The following SLC2A13 variants were observed in gnomAD, a reference collection of about 807,000 sequenced individuals.
The protein encoded by SLC2A13 is proton myo-inositol cotransporter.
A neutral mutation model predicts 64.4 loss-of-function variants in SLC2A13; 32 were observed. That is an observed-to-expected ratio of 0.50 (90% confidence interval 0.37 to 0.67). SLC2A13 has a LOEUF of 0.67. SLC2A13 is among the 30% of genes least tolerant of loss of function. The pLI is 0.00. For missense variants in SLC2A13, 743 were observed against 829.2 expected (o/e 0.90, Z 1.28); for synonymous variants, 338 against 327.1 (o/e 1.03, Z -0.36).
chr12:40,046,330 C>T (rs139276728), intron 2 of SLC2A13, among the ~76,000 whole-genome samples: 1 of 152,204 alleles, frequency 6.6e-6, no homozygotes, highest in Non-Finnish European at 1.5e-5. Context: ...ACACCACATT[C>T]ATAAATGTAT....
intron 1 of SLC2A13, among the ~76,000 whole-genome samples, chr12:40,084,961 A>G (rs574879261): frequency 6.6e-6 from 1 of 152,242 alleles, no homozygotes; most frequent in African/African-American, 2.4e-5. Flanking sequence ...AAGGGGAGAG[A>G]AGCTGAAGGT....
intron 6 of SLC2A13, among the ~76,000 whole-genome samples, chr12:39,839,910 T>A (rs1943134267): frequency 6.6e-6 from 1 of 152,148 alleles, no homozygotes; most frequent in South Asian, 2.1e-4. Flanking sequence ...TATTGTTCCT[T>A]TTGTGTCTCC....
intron 4 of SLC2A13, among the ~76,000 whole-genome samples, chr12:39,914,237 G>A (rs11174263): frequency 1.3e-5 from 2 of 151,920 alleles, no homozygotes; most frequent in South Asian, 2.1e-4. Context: ...ATTTTTTCAC[G>A]TCTAATGAAA....
chr12:39,989,345 T>C (rs925335868), intron 3 of SLC2A13, among the ~76,000 whole-genome samples: 12 of 152,206 alleles, frequency 7.9e-5, no homozygotes, highest in Admixed American at 2.0e-4. Context: ...CCATCCTTTA[T>C]CAATCTGCTC....
intron 1 of SLC2A13, among the ~76,000 whole-genome samples, chr12:40,104,995 G>A (rs1202583040): frequency 6.6e-6 from 1 of 152,150 alleles, no homozygotes; most frequent in Non-Finnish European, 1.5e-5. Context: ...GGACTGACTG[G>A]TCCGTGGCCT....
intron 3 of SLC2A13, among the ~76,000 whole-genome samples, chr12:40,009,050 A>C (rs555724068): frequency 6.6e-6 from 1 of 152,352 alleles, no homozygotes; most frequent in South Asian, 2.1e-4. Flanking sequence ...AAAGCAAACA[A>C]GTAACTTAAT....
chr12:39,913,083 T>A (rs1242588401), intron 4 of SLC2A13, among the ~76,000 whole-genome samples: 1 of 151,980 alleles, frequency 6.6e-6, no homozygotes, highest in African/African-American at 2.4e-5. Flanking sequence ...AGGTAACCAA[T>A]GGAGAGTAAA....
intron 6 of SLC2A13, among the ~76,000 whole-genome samples, chr12:39,838,886 A>C (rs1193619387): frequency 6.6e-6 from 1 of 152,082 alleles, no homozygotes; most frequent in African/African-American, 2.4e-5. Flanking sequence ...AATGAGATGG[A>C]GCACTAAGAA....
At chr12:39,911,596 A>G (rs1161853854) in intron 4 of SLC2A13, among the ~76,000 whole-genome samples, 2 of 152,126 alleles carry the variant, frequency 1.3e-5, no homozygotes, top group Non-Finnish European at 2.9e-5. Context: ...ATGTAAGTAC[A>G]GTACCCCAAA....
intron 3 of SLC2A13, among the ~76,000 whole-genome samples, chr12:39,958,570 G>A (rs1359515289): frequency 6.6e-6 from 1 of 152,042 alleles, no homozygotes; most frequent in Non-Finnish European, 1.5e-5. Context: ...GCCACCTGTT[G>A]GCTAAAGCAC....
At chr12:39,876,901 G>A (rs1944196487) in intron 4 of SLC2A13, among the ~76,000 whole-genome samples, 1 of 152,174 alleles carries the variant, frequency 6.6e-6, no homozygotes, top group Non-Finnish European at 1.5e-5. Context: ...TATAGGACAA[G>A]TTACATGAGA....
intron 4 of SLC2A13, among the ~76,000 whole-genome samples, chr12:39,911,479 G>A (rs1402782988): frequency 6.6e-6 from 1 of 151,982 alleles, no homozygotes; most frequent in Admixed American, 6.6e-5. Flanking sequence ...TTTAATACAA[G>A]TTAGAGAACA....
At chr12:39,877,869 G>A (rs73104976) in intron 4 of SLC2A13, among the ~76,000 whole-genome samples, 12,967 of 152,140 alleles carry the variant, frequency 0.085, 1,281 homozygotes, top group African/African-American at 0.24. Flanking sequence ...TTGAAATGTA[G>A]TCCCCAGTGC....
intron 3 of SLC2A13, among the ~76,000 whole-genome samples, chr12:39,964,137 T>C (rs919955814): frequency 2.0e-5 from 3 of 152,142 alleles, no homozygotes; most frequent in Non-Finnish European, 2.9e-5. Flanking sequence ...CCCAGAACTA[T>C]ATATATAAAA....
At chr12:39,764,401 T>A in intron 9 of SLC2A13, 59 bp downstream of exon 9, 1 of 1,358,126 alleles carries the variant, frequency 7.4e-7, no homozygotes, top group Non-Finnish European at 9.9e-7. Flanking sequence ...TATTATAGTG[T>A]ATCTAAAAAT....
At chr12:39,989,766 T>C (rs1455793395) in intron 3 of SLC2A13, among the ~76,000 whole-genome samples, 1 of 152,164 alleles carries the variant, frequency 6.6e-6, no homozygotes, top group East Asian at 1.9e-4. Flanking sequence ...AATGTTCTAG[T>C]TGAGAGAATC....
Position 39,758,757 on chromosome 12 carries a change from A to G in SLC2A13, c.*1269T>C, listed in dbSNP as rs1009407786. The G allele has an allele frequency of 3.9e-5, 6 of 152,028 alleles. No homozygotes were observed. The highest frequency in any genetic ancestry group is 7.4e-5 in the Non-Finnish European group (5 of 67,864). The allele number at this position is 152,028 out of a possible 1,614,324, so 9.4% of individuals were successfully genotyped here. A position where few individuals can be genotyped will look rare whatever the true frequency, so the allele number is the denominator to read the frequency against. ...TTACACAAGAAGGAAAAACTAAGCC[A>G]AGAATAAGAAAAACACAGAGACAAA... On this transcript the variant is annotated 3_prime_UTR_variant, in exon 10 of 10. Coordinates refer to ENST00000280871, the MANE Select transcript of SLC2A13 (RefSeq NM_052885.4).
chr12:40,028,868 T>A (rs1947863748), intron 2 of SLC2A13, among the ~76,000 whole-genome samples: 1 of 152,204 alleles, frequency 6.6e-6, no homozygotes, highest in African/African-American at 2.4e-5. Flanking sequence ...TTTTACAATA[T>A]AAAATGGGGC....
chr12:40,032,004 T>C (rs934319741), intron 2 of SLC2A13, among the ~76,000 whole-genome samples: 1 of 152,144 alleles, frequency 6.6e-6, no homozygotes, highest in Non-Finnish European at 1.5e-5. Flanking sequence ...GATCTCATTA[T>C]TCTAAATTAA....
Sources: allele counts gnomAD v4.1 joint callset (sites outside exome capture counted in the v4.1 genomes callset), GRCh38; gene constraint gnomAD v4.1.1; transcripts MANE v1.5; gene names NCBI Gene and HGNC (gene_info 2026-07-23, HGNC 2026-07-21).